Variants in CUL7 observed in about 807,000 individuals in gnomAD.
CUL7 encodes cullin 7.
A neutral mutation model predicts 177.7 loss-of-function variants in CUL7; 96 were observed. That is an observed-to-expected ratio of 0.54 (90% CI 0.46 to 0.64). The LOEUF is 0.64. CUL7 is among the 30% of genes least tolerant of loss of function. The pLI, the probability that CUL7 is intolerant of heterozygous loss-of-function variation, is 0.00. For missense variants in CUL7, 1,893 were observed against 2,187.9 expected (o/e 0.87, Z 2.69); for synonymous variants, 824 against 890.2 (o/e 0.93, Z 1.32).
Position 43,037,815 on chromosome 6 carries a change from G to C in CUL7, c.4970C>G (p.Thr1657Ser). The change falls in exon 26 of 26, where the codon ACT (threonine) becomes AGT (serine). Residue 1657 changes from threonine (T) to serine (S), a missense_variant. Around this residue, in one of 5 missense-constraint regions of CUL7, gnomAD observed 248 missense variants for 262.5 expected, o/e 0.94. Coordinates refer to ENST00000265348, the MANE Select transcript of CUL7 (RefSeq NM_014780.5). ...TGAGGAGCCTGGGTTCAGGGACTCAGTGTGAGGCTCCATGACAGTCACAGG... is the reference window on the plus strand; with the variant it reads ...TGAGGAGCCTGGGTTCAGGGACTCACTGTGAGGCTCCATGACAGTCACAGG... ...AVPVTVMEPH[T>S]ESLNPGSSGP... 1.2e-6 allele frequency: 2 copies of C among 1,610,618 alleles called. No homozygotes were observed. The highest frequency in any genetic ancestry group is 1.3e-5 in the African/African-American group (1 of 74,996).
Position 43,051,845 on chromosome 6 carries a change from A to G in CUL7, c.581-82T>C. 1 of 1,536,476 alleles carries G rather than the reference A, an allele frequency of 6.5e-7. No homozygotes were observed. The highest frequency in any genetic ancestry group is 9.0e-7 in the Non-Finnish European group (1 of 1,110,896). ...TTAGACCCTCTACTCTTTCAATCCAATCCTTTTGCCACCACACAATGAGAA... is the reference window on the plus strand; with the variant it reads ...TTAGACCCTCTACTCTTTCAATCCAGTCCTTTTGCCACCACACAATGAGAA... On this transcript the variant is annotated intron_variant, in intron 2 of 25. Coordinates refer to ENST00000265348, the MANE Select transcript of CUL7 (RefSeq NM_014780.5). This position sits in a 1 kb window ranked among gnomAD's most constrained non-coding sequence, Gnocchi z 5.0.
chr6:43,048,559 G>A lies in CUL7; in HGVS notation c.1836C>T (p.Pro612=). 6.2e-7 allele frequency: 1 copy of A among 1,613,586 alleles called. No homozygotes were observed. Among genetic ancestry groups the A allele is most frequent in the Non-Finnish European group, 8.5e-7 (1 of 1,179,602 alleles). ...GGGGAGTGTTGGGACTCTGAGATGG[G>A]GGTTCTTTTGCTACAGGAAGGGGAC... is the stretch of plus-strand genomic sequence containing the variant. ...EDAAKVEAKE[P]PSQSPNTPLQ... is the part of the protein sequence containing the mutation. The change falls in exon 8 of 26, where the codon CCC becomes CCT. Residue 612 remains proline (P), a synonymous_variant. Coordinates refer to ENST00000265348, the MANE Select transcript of CUL7 (RefSeq NM_014780.5).
Position 43,042,802 on chromosome 6 carries a change from G to A in CUL7, c.3645C>T (p.His1215=), listed in dbSNP as rs377501530. 1.9e-5 allele frequency: 31 copies of A among 1,608,794 alleles called. No individual in the cohort carries two copies. Among genetic ancestry groups the A allele is most frequent in the African/African-American group, 2.7e-5 (2 of 74,806 alleles). Residue 1215 remains histidine, a splice_region_variant and synonymous_variant, in exon 19 of 26, where the codon CAC becomes CAT. Coordinates refer to ENST00000265348, the MANE Select transcript of CUL7 (RefSeq NM_014780.5). The part of the protein sequence containing the change: ...LLKLPFLKAA[H]VSEQFARHID... ...GGATGAGGCAAGGGTAGAGGCTTAC[G>A]TGGGCAGCTTTGAGAAAAGGGAGCT...
At position 43,051,819 on chromosome 6, in the gene CUL7, C is replaced by G; in HGVS notation, c.581-56G>C. On this transcript the variant is annotated intron_variant, in intron 2 of 25. Coordinates refer to ENST00000265348, the MANE Select transcript of CUL7 (RefSeq NM_014780.5). This position sits in a 1 kb window ranked among gnomAD's most constrained non-coding sequence, Gnocchi z 5.0. ...CCCTAATCTCACCCTTCCTAGAAAT[C>G]TTAGACCCTCTACTCTTTCAATCCA... 1 of 1,587,406 alleles carries G rather than the reference C, an allele frequency of 6.3e-7. No individual in the cohort carries two copies. The highest frequency in any genetic ancestry group is 8.6e-7 in the Non-Finnish European group (1 of 1,156,168).
chr6:43,052,614 C>T lies in CUL7; in HGVS notation c.175G>A (p.Asp59Asn). Residue 59 changes from aspartate (D) to asparagine (N), a missense_variant, in exon 2 of 26, where the codon GAC becomes AAC. Physicochemically the swap from Asp to Asn is conservative, Grantham distance 23 (BLOSUM62 1). Around this residue, in one of 5 missense-constraint regions of CUL7, gnomAD observed 653 missense variants for 725.2 expected, o/e 0.90. Coordinates refer to ENST00000265348, the MANE Select transcript of CUL7 (RefSeq NM_014780.5). The surrounding 1 kb of genome is among the most constrained non-coding windows in gnomAD (Gnocchi z 4.5). ...AGCAGGATGTGCTCAGCCTTGCAGT[C>T]CACTTGGCCAGAGCCCCCGTCCCCC... ...DEGDGGSGQV[D>N]CKAEHILLWM... 1 of 1,614,240 alleles carries T rather than the reference C, an allele frequency of 6.2e-7. No homozygotes were observed. Among genetic ancestry groups the T allele is most frequent in the African/African-American group, 1.3e-5 (1 of 75,072 alleles).
At position 43,051,676 on chromosome 6, in the gene CUL7, G is replaced by A; in HGVS notation, c.668C>T (p.Ala223Val). Residue 223 changes from alanine (A) to valine (V), a missense_variant, in exon 3 of 26, where the codon GCA (alanine) becomes GTA (valine). By Grantham distance (64) the Ala-to-Val change is moderately conservative. Transcript: ENST00000265348. The surrounding 1 kb of genome is among the most constrained non-coding windows in gnomAD (Gnocchi z 5.0). ...LDFDSRCALL[A>V]LFAQATLSEH... is the part of the protein sequence containing the mutation. The stretch of plus-strand genomic sequence containing the variant: ...AGAGAGCGTGGCCTGTGCAAACAGT[G>A]CTAGCAGAGCACAGCGGCTGTCAAA... 1 of 1,614,198 alleles carries A rather than the reference G, an allele frequency of 6.2e-7. No individual in the cohort carries two copies. The highest frequency in any genetic ancestry group is 8.5e-7 in the Non-Finnish European group (1 of 1,180,046).
rs940293699 is a variant in CUL7 at position 43,053,764 on chromosome 6, G to A, written c.-151C>T. On this transcript the variant is annotated 5_prime_UTR_variant, in exon 1 of 26. Transcript: ENST00000265348. The surrounding 1 kb of genome is among the most constrained non-coding windows in gnomAD (Gnocchi z 4.1). ...GAGACGGGAGGGGGCGTGCCTCCGC[G>A]GAACAGAGCTGCACCCGCGTGAGTC... The A allele has an allele frequency of 9.3e-6, 14 of 1,510,714 alleles. No homozygotes were observed. The African/African-American group carries it at 1.1e-4, about 12-fold the overall frequency. 93.6% of individuals were successfully genotyped at this position (1,510,714 alleles called of 1,614,324 possible). A position where few individuals can be genotyped will look rare whatever the true frequency, so the allele number is the denominator to read the frequency against.
chr6:43,047,436 T>C (rs933933399), intron 9 of CUL7, among the ~76,000 whole-genome samples: 1 of 152,144 alleles, frequency 6.6e-6, no homozygotes, highest in Non-Finnish European at 1.5e-5. Context: ...GTTGTAGGGC[T>C]GTGTTTTGAG....
chr6:43,045,411 C>T lies in CUL7; in HGVS notation c.2863-9G>A. On this transcript the variant is annotated splice_polypyrimidine_tract_variant and intron_variant, in intron 14 of 25. Coordinates refer to ENST00000265348, the MANE Select transcript of CUL7 (RefSeq NM_014780.5). The surrounding 1 kb of genome is among the most constrained non-coding windows in gnomAD (Gnocchi z 4.8). Reference sequence around the variant, plus strand: ...CGCGTATCAATGCCACCCTGAAACACACACAGGACTATCTTCACTCGCTCC... The same window carrying T: ...CGCGTATCAATGCCACCCTGAAACATACACAGGACTATCTTCACTCGCTCC... 6.2e-7 allele frequency: 1 copy of T among 1,614,194 alleles called. No individual in the cohort carries two copies. Among genetic ancestry groups the T allele is most frequent in the Non-Finnish European group, 8.5e-7 (1 of 1,180,032 alleles).
At chr6:43,046,434 G>A (rs1763912032) in intron 11 of CUL7, 27 bp from the exon 12 acceptor site, 1 of 1,614,198 alleles carries the variant, frequency 6.2e-7, no homozygotes, top group South Asian at 1.1e-5. Context: ...AGGGGTGGTG[G>A]TCACGGTCAG....
At position 43,045,653 on chromosome 6, in the gene CUL7, C is replaced by A; in HGVS notation, c.2796G>T (p.Val932=). The change falls in exon 14 of 26, where the codon GTG becomes GTT. Residue 932 remains valine (V), a synonymous_variant. Transcript: ENST00000265348. The surrounding 1 kb of genome is among the most constrained non-coding windows in gnomAD (Gnocchi z 4.8). ...SVNVMPSASR[V]ILLENLTRFW... ...AGCGGGTCAGGTTCTCCAGGAGGAT[C>A]ACCCGGCTGGCAGAGGGCATCACAT... 1 of 1,614,238 alleles carries A rather than the reference C, an allele frequency of 6.2e-7. No individual in the cohort carries two copies. Among genetic ancestry groups the A allele is most frequent in the East Asian group, 2.2e-5 (1 of 44,880 alleles).
rs1005647455 is a variant in CUL7, at chr6:43,041,681, G to A, written c.3646-606C>T. On this transcript the variant is annotated intron_variant, in intron 19 of 25. Transcript: ENST00000265348. ...AAGAGGGGAGGGAAGGGAAGGGAAA[G>A]GAAGGGGAAGGGAAGGGAAGGGGAA... Among the ~76,000 whole-genome samples the A allele has an allele frequency of 2.0e-5, 3 of 150,888 alleles. No homozygotes were observed. The East Asian group carries it at 5.8e-4, about 29-fold the overall frequency.
Position 43,050,341 on chromosome 6 carries a change from A to G in CUL7, c.1291T>C (p.Leu431=), listed in dbSNP as rs1186310960. 1.2e-6 allele frequency: 2 copies of G among 1,614,184 alleles called. No individual in the cohort carries two copies. Among genetic ancestry groups the G allele is most frequent in the Middle Eastern group, 1.6e-4 (1 of 6,062 alleles). Residue 431 remains leucine (L), a synonymous_variant, in exon 5 of 26, where the codon TTG becomes CTG. Coordinates refer to ENST00000265348, the MANE Select transcript of CUL7 (RefSeq NM_014780.5). This position sits in a 1 kb window ranked among gnomAD's most constrained non-coding sequence, Gnocchi z 4.1. Reference sequence around the variant, plus strand: ...TCCTCAATGTCTTCCTCAAAGCCCAAGATCTCCAGCATGTGCCAGTGCACC... The same window carrying G: ...TCCTCAATGTCTTCCTCAAAGCCCAGGATCTCCAGCATGTGCCAGTGCACC... ...YWVHWHMLEI[L]GFEEDIEDMV... is the part of the protein sequence containing the mutation.
Position 43,046,924 on chromosome 6 carries a change from G to A in CUL7, c.2353C>T (p.Leu785Phe). ...ATGTTGGTGATGAGTTTGCGGTAGA[G>A]GTGGGCATGCTTCTCACACTTGAAC... ...MVFKCEKHAH[L>F]YRKLITNILG... The change falls in exon 10 of 26, where the codon CTC becomes TTC. Residue 785 changes from leucine to phenylalanine, a missense_variant. By Grantham distance (22) the Leu-to-Phe change is conservative (BLOSUM62 0). This residue lies in a region of CUL7 where 973 missense variants were observed against 1,140.9 expected (regional missense o/e 0.85). Coordinates refer to ENST00000265348, the MANE Select transcript of CUL7 (RefSeq NM_014780.5). 6.2e-7 allele frequency: 1 copy of A among 1,612,804 alleles called. No homozygotes were observed. Among genetic ancestry groups the A allele is most frequent in the Non-Finnish European group, 8.5e-7 (1 of 1,178,822 alleles).
intron 7 of CUL7, 123 bp downstream of exon 7, chr6:43,049,284 C>CT (rs1335568127): frequency 7.8e-7 from 1 of 1,283,652 alleles, no homozygotes; most frequent in African/African-American, 1.5e-5. Context: ...TTGCTTCTCT[C>CT]TAAGTTGCAG....
In CUL7 at chr6:43,045,750, C is replaced by T. The variant is rs1763849739; in HGVS notation, c.2767-68G>A. ...GCCAAGTTGGCTCTAGGCTCCAGTC[C>T]CCTCACTGTTTCCCTCCCTTCCCCA... On this transcript the variant is annotated intron_variant, in intron 13 of 25. Transcript: ENST00000265348. The surrounding 1 kb of genome is among the most constrained non-coding windows in gnomAD (Gnocchi z 4.8). 6.5e-7 allele frequency: 1 copy of T among 1,529,868 alleles called. No homozygotes were observed. The highest frequency in any genetic ancestry group is 1.7e-5 in the Admixed American group (1 of 59,364). 94.8% of individuals were successfully genotyped at this position (1,529,868 alleles called of 1,614,324 possible). A position where few individuals can be genotyped will look rare whatever the true frequency, so the allele number is the denominator to read the frequency against.
chr6:43,039,991 C>T (rs944161137), intron 22 of CUL7, among the ~76,000 whole-genome samples, 165 bp downstream of exon 22: 4 of 152,224 alleles, frequency 2.6e-5, no homozygotes, highest in African/African-American at 7.2e-5. Context: ...CTGCCTGCCT[C>T]GGCCTCCCAA....
chr6:43,051,801 C>G lies in CUL7; in HGVS notation c.581-38G>C. 6.2e-7 allele frequency: 1 copy of G among 1,610,596 alleles called. No individual in the cohort carries two copies. The highest frequency in any genetic ancestry group is 1.3e-5 in the African/African-American group (1 of 74,994). On this transcript the variant is annotated intron_variant, in intron 2 of 25. Transcript: ENST00000265348. The surrounding 1 kb of genome is among the most constrained non-coding windows in gnomAD (Gnocchi z 5.0). ...CCCCAGTTGGTAACTTCTCCCTAAT[C>G]TCACCCTTCCTAGAAATCTTAGACC...
At position 43,051,969 on chromosome 6, in the gene CUL7, T is replaced by C. The variant is rs1764449887; in HGVS notation, c.581-206A>G. The C allele has an allele frequency of 1.1e-6, 1 of 913,680 alleles. No individual in the cohort carries two copies. The highest frequency in any genetic ancestry group is 1.7e-5 in the African/African-American group (1 of 59,966). The allele number at this position is 913,680 out of a possible 1,614,324, so 56.6% of individuals were successfully genotyped here. A position where few individuals can be genotyped will look rare whatever the true frequency, so the allele number is the denominator to read the frequency against. The stretch of plus-strand genomic sequence containing the variant: ...CTACAATAGTCTAAACTCTAAATTC[T>C]TCCTTTGCATAAAAAGCAACTAATT... On this transcript the variant is annotated intron_variant, in intron 2 of 25. Transcript: ENST00000265348. This position sits in a 1 kb window ranked among gnomAD's most constrained non-coding sequence, Gnocchi z 5.0.
Sources: allele counts gnomAD v4.1 joint callset (sites outside exome capture counted in the v4.1 genomes callset), GRCh38; gene constraint gnomAD v4.1.1; regional missense constraint gnomAD v4.1.1; non-coding constraint Gnocchi (gnomAD v3.1); transcripts MANE v1.5; gene names NCBI Gene and HGNC (gene_info 2026-07-23, HGNC 2026-07-21).